The following ZBTB10 variants were observed in gnomAD, a reference collection of about 807,000 sequenced individuals.
ZBTB10 encodes zinc finger and BTB domain containing 10, also known as zinc finger and BTB domain-containing protein 10.
Under a neutral mutation model 76.4 loss-of-function variants are expected in ZBTB10, and 32 were observed. The ratio of observed to expected loss-of-function variants is 0.42; its 90% CI spans 0.32 to 0.56. The LOEUF (loss-of-function observed/expected upper bound fraction) is 0.56, where lower values mean the gene tolerates loss of function less well. ZBTB10 is among the 20% of genes least tolerant of loss of function. ZBTB10 has a pLI of 0.14. For synonymous variants in ZBTB10, 523 were observed against 432.9 expected, an observed-to-expected ratio of 1.21 and a Z score of -2.58; for missense variants, 1,057 against 1,098.5, an observed-to-expected ratio of 0.96 and a Z score of 0.53.
Position 80,486,800 on chromosome 8 carries a change from CG to C in ZBTB10, c.-9del. 6 of 1,405,502 alleles carry C rather than the reference CG, an allele frequency of 4.3e-6. No individual in the cohort carries two copies. Among genetic ancestry groups the C allele is most frequent in the South Asian group, 3.1e-5 (2 of 64,950 alleles). 87.1% of individuals were successfully genotyped at this position (1,405,502 alleles called of 1,614,324 possible). On this transcript the variant is annotated 5_prime_UTR_variant, in exon 1 of 6. Coordinates refer to ENST00000455036, the MANE Select transcript of ZBTB10 (RefSeq NM_001105539.3). Reference sequence around the variant, plus strand: ...CCGGGGCACCGGGCGGCGGCGGCGGCGGCGCGCGCCATGTCGTTCAGTGAAA... The same window carrying C: ...CCGGGGCACCGGGCGGCGGCGGCGGCGCGCGCGCCATGTCGTTCAGTGAAA...
chr8:80,497,725 T>C (rs1486043598), intron 1 of ZBTB10, among the ~76,000 whole-genome samples: 5 of 147,680 alleles, frequency 3.4e-5, no homozygotes, highest in African/African-American at 1.2e-4. Context: ...TCTCAGTCTG[T>C]TGCCCAGACT....
Position 80,524,777 on chromosome 8 carries a change from G to T in ZBTB10, c.*5249G>T, listed in dbSNP as rs1816517885. ...GTCATGATTGGGACCATTGGCTCAA[G>T]ATTGAAAATCGGTTTTTAATTATCC... On this transcript the variant is annotated 3_prime_UTR_variant, in exon 6 of 6. Coordinates refer to ENST00000455036, the MANE Select transcript of ZBTB10 (RefSeq NM_001105539.3). 6.6e-6 allele frequency: 1 copy of T among 152,072 alleles called. No homozygotes were observed. 9.4% of individuals were successfully genotyped at this position (152,072 alleles called of 1,614,324 possible). A position where few individuals can be genotyped will look rare whatever the true frequency, so the allele number is the denominator to read the frequency against.
upstream of ZBTB10, chr8:80,485,811 C>T (rs1815429584): frequency 6.5e-7 from 1 of 1,535,596 alleles, no homozygotes; most frequent in African/African-American, 1.4e-5. Context: ...CAGCTCCCAC[C>T]GCACAGTTAT....
At chr8:80,506,565 CCCCCCCCA>C (rs1429844685) in intron 2 of ZBTB10, among the ~76,000 whole-genome samples, 1 of 126,552 alleles carries the variant, frequency 7.9e-6, no homozygotes, top group Non-Finnish European at 1.6e-5. Context: ...GTGATCCACC[CCCCCCCCA>C]ACCCCCGCCT....
intron 4 of ZBTB10, 26 bp downstream of exon 4, chr8:80,518,605 A>G (rs901578860): frequency 5.2e-6 from 8 of 1,529,750 alleles, no homozygotes; most frequent in South Asian, 1.3e-5. Context: ...CTAAACAAAT[A>G]CAGAATTAAT....
At position 80,486,997 on chromosome 8, in the gene ZBTB10, G is replaced by T. The variant is rs1450529151; in HGVS notation, c.187G>T (p.Ala63Ser). ...GCTTCAGCCGCCTAATGGGCGGGGGGCCGACGAGGAAGTGGAATTGGAGGG... is the reference window on the plus strand; with the variant it reads ...GCTTCAGCCGCCTAATGGGCGGGGGTCCGACGAGGAAGTGGAATTGGAGGG... ...PALQPPNGRG[A>S]DEEVELEGLE... Residue 63 changes from alanine to serine, a missense_variant, in exon 1 of 6, where the codon GCC becomes TCC. Ala to Ser is a moderately conservative substitution (Grantham distance 99, BLOSUM62 1). Coordinates refer to ENST00000455036, the MANE Select transcript of ZBTB10 (RefSeq NM_001105539.3). 2.0e-6 allele frequency: 3 copies of T among 1,513,862 alleles called. No individual in the cohort carries two copies. The highest frequency in any genetic ancestry group is 2.6e-6 in the Non-Finnish European group (3 of 1,136,478). 93.8% of individuals were successfully genotyped at this position (1,513,862 alleles called of 1,614,324 possible).
intron 2 of ZBTB10, among the ~76,000 whole-genome samples, chr8:80,509,916 G>C (rs1816148051): frequency 2.0e-5 from 3 of 152,082 alleles, no homozygotes; most frequent in Non-Finnish European, 4.4e-5. Flanking sequence ...CTCCCAAAGT[G>C]CTGGGATTAC....
chr8:80,495,064 A>G (rs1046172854), intron 1 of ZBTB10, among the ~76,000 whole-genome samples: 1 of 152,036 alleles, frequency 6.6e-6, no homozygotes, highest in Non-Finnish European at 1.5e-5. Flanking sequence ...TGCTTCTGAA[A>G]ACTCTGTAAG....
At chr8:80,497,197 C>T (rs371929498) in intron 1 of ZBTB10, among the ~76,000 whole-genome samples, 4 of 151,860 alleles carry the variant, frequency 2.6e-5, no homozygotes, top group African/African-American at 7.2e-5. Context: ...CTACATGATA[C>T]GAAATTTCAC....
intron 1 of ZBTB10, among the ~76,000 whole-genome samples, chr8:80,489,508 CAT>C (rs945898705): frequency 2.8e-4 from 42 of 152,308 alleles, no homozygotes; most frequent in African/African-American, 9.6e-4. Context: ...TCTTTATCAG[CAT>C]AGTCTCTCCC....
In ZBTB10 at chr8:80,524,224, T is replaced by C. The variant is rs958679457; in HGVS notation, c.*4696T>C. ...TACAAGTTTGAATTATGGAATACTA[T>C]AAGGGTTTTTTGTTTATTTGTATGT... On this transcript the variant is annotated 3_prime_UTR_variant, in exon 6 of 6. Transcript: ENST00000455036. 6.6e-6 allele frequency: 1 copy of C among 152,028 alleles called. No homozygotes were observed. Among genetic ancestry groups the C allele is most frequent in the Admixed American group, 6.6e-5 (1 of 15,246 alleles). 9.4% of individuals were successfully genotyped at this position (152,028 alleles called of 1,614,324 possible). A position where few individuals can be genotyped will look rare whatever the true frequency, so the allele number is the denominator to read the frequency against.
At chr8:80,488,299 C>T (rs918271611) in intron 1 of ZBTB10, among the ~76,000 whole-genome samples, 1 of 152,150 alleles carries the variant, frequency 6.6e-6, no homozygotes, top group Non-Finnish European at 1.5e-5. Flanking sequence ...AAAATAATGT[C>T]AAGTATGAGA....
In ZBTB10 at chr8:80,518,457, A is replaced by G. The variant is rs1473505857; in HGVS notation, c.2015A>G (p.Lys672Arg). ...ATGCCTGGTCCTTCAAATGATTTCA[A>G]GTATGGATTGATACCAGGTACTTCA... ...GLMPGPSNDF[K>R]YGLIPGTSND... Residue 672 changes from lysine (K) to arginine (R), a missense_variant, in exon 4 of 6, where the codon AAG becomes AGG. Coordinates refer to ENST00000455036, the MANE Select transcript of ZBTB10 (RefSeq NM_001105539.3). 1.9e-6 allele frequency: 3 copies of G among 1,553,284 alleles called. No homozygotes were observed. The highest frequency in any genetic ancestry group is 2.7e-5 in the African/African-American group (2 of 73,300).
intron 1 of ZBTB10, among the ~76,000 whole-genome samples, chr8:80,493,582 C>A (rs1309787987): frequency 6.7e-6 from 1 of 150,324 alleles, no homozygotes; most frequent in Non-Finnish European, 1.5e-5. Flanking sequence ...TTCGGGAGGC[C>A]GAGGGGGATG....
chr8:80,507,791 G>A (rs779865484), intron 2 of ZBTB10, among the ~76,000 whole-genome samples: 1 of 152,144 alleles, frequency 6.6e-6, no homozygotes, highest in Non-Finnish European at 1.5e-5. Context: ...AATAGAGACA[G>A]GGTCTCGTTA....
chr8:80,493,191 A>G (rs921418659), intron 1 of ZBTB10, among the ~76,000 whole-genome samples: 5 of 126,266 alleles, frequency 4.0e-5, no homozygotes, highest in African/African-American at 1.3e-4. Context: ...CTGTGCCTCA[A>G]AACGCGCGCG....
At position 80,486,944 on chromosome 8, in the gene ZBTB10, G is replaced by T; in HGVS notation, c.134G>T (p.Arg45Ile). Residue 45 changes from arginine to isoleucine, a missense_variant, in exon 1 of 6, where the codon AGA becomes ATA. Around this residue, in one of 5 missense-constraint regions of ZBTB10, gnomAD observed 556 missense variants for 451.7 expected, o/e 1.23. Transcript: ENST00000455036. ...ASAWPPQPQP[R>I]QPPPPAPPAL... ...GCTTGGCCTCCGCAGCCCCAGCCGA[G>T]ACAGCCCCCGCCGCCAGCGCCGCCC... 6.6e-7 allele frequency: 1 copy of T among 1,514,112 alleles called. No individual in the cohort carries two copies. The highest frequency in any genetic ancestry group is 1.2e-5 in the South Asian group (1 of 81,642). 93.8% of individuals were successfully genotyped at this position (1,514,112 alleles called of 1,614,324 possible).
intron 2 of ZBTB10, among the ~76,000 whole-genome samples, chr8:80,513,535 C>T (rs146834107): frequency 6.6e-6 from 1 of 152,252 alleles, no homozygotes; most frequent in African/African-American, 2.4e-5. Context: ...TTAGTACTAG[C>T]AGTATTGTTT....
At position 80,486,956 on chromosome 8, in the gene ZBTB10, C is replaced by A. The variant is rs1360693309; in HGVS notation, c.146C>A (p.Pro49Gln). The change falls in exon 1 of 6, where the codon CCG becomes CAG. Residue 49 changes from proline (P) to glutamine (Q), a missense_variant. Transcript: ENST00000455036. Reference protein sequence around the residue: ...PPQPQPRQPPPPAPPALQPPN... With the variant: ...PPQPQPRQPPQPAPPALQPPN... ...CAGCCCCAGCCGAGACAGCCCCCGC[C>A]GCCAGCGCCGCCCGCGCTTCAGCCG... The A allele has an allele frequency of 1.3e-6, 2 of 1,512,874 alleles. No homozygotes were observed. The highest frequency in any genetic ancestry group is 2.1e-5 in the Admixed American group (1 of 48,182). 93.7% of individuals were successfully genotyped at this position (1,512,874 alleles called of 1,614,324 possible).
Sources: gnomAD v4.1 joint callset for allele counts (sites outside exome capture counted in the v4.1 genomes callset) on GRCh38, gnomAD v4.1.1 for gene constraint, gnomAD v4.1.1 regional missense constraint, MANE v1.5 for transcripts, NCBI Gene and HGNC (gene_info 2026-07-23, HGNC 2026-07-21) for gene names.